Variants in TXNDC17 observed in about 807,000 individuals in gnomAD.
TXNDC17 encodes thioredoxin domain-containing protein 17.
A neutral mutation model predicts 16.3 loss-of-function variants in TXNDC17; 12 were observed. The observed-to-expected ratio is 0.74, with a 90% CI of 0.47 to 1.19. The LOEUF (loss-of-function observed/expected upper bound fraction) is 1.19, where lower values mean the gene tolerates loss of function less well. Ranked by LOEUF, TXNDC17 falls within the 50% of genes most tolerant of loss-of-function variation. TXNDC17 has a pLI of 0.00. For synonymous variants in TXNDC17, 62 were observed against 55.0 expected, an observed-to-expected ratio of 1.13 and a Z score of -0.56; for missense variants, 158 against 149.7, an observed-to-expected ratio of 1.06 and a Z score of -0.29.
Position 6,641,169 on chromosome 17 carries a change from C to G in TXNDC17, c.87C>G (p.Ala29=), listed in dbSNP as rs2090913188. 2 of 1,613,816 alleles carry G rather than the reference C, an allele frequency of 1.2e-6. No individual in the cohort carries two copies. Among genetic ancestry groups the G allele is most frequent in the Non-Finnish European group, 1.7e-6 (2 of 1,180,028 alleles). ...AGCACAATGGCAAGACCATTTTCGC[C>G]TACTTTACGGGTTCTAAGGACGCCG... ...VEQHNGKTIF[A]YFTGSKDAGG... The change falls in exon 1 of 4, where the codon GCC becomes GCG. Residue 29 remains alanine, a synonymous_variant. Transcript: ENST00000250101.
In TXNDC17 at chr17:6,643,148, T is replaced by C; in HGVS notation, c.*129T>C. ...ACTGGCATGTGTCTAAACAATAGAG[T>C]GCTATTAAAATGCCCATGAACCTTT... On this transcript the variant is annotated 3_prime_UTR_variant, in exon 4 of 4. Transcript: ENST00000250101. 2 of 739,930 alleles carry C rather than the reference T, an allele frequency of 2.7e-6. No homozygotes were observed. 45.8% of individuals were successfully genotyped at this position (739,930 alleles called of 1,614,324 possible).
chr17:6,641,119 G>A lies in TXNDC17; in HGVS notation c.37G>A (p.Glu13Lys). The A allele has an allele frequency of 6.2e-7, 1 of 1,613,646 alleles. No homozygotes were observed. The highest frequency in any genetic ancestry group is 8.5e-7 in the Non-Finnish European group (1 of 1,180,008). The change falls in exon 1 of 4, where the codon GAG becomes AAG. Residue 13 changes from glutamate (E) to lysine (K), a missense_variant. Glu to Lys is a moderately conservative substitution (Grantham distance 56). Transcript: ENST00000250101. ...TGAGGAGGTGAGCGTGTCCGGCTTC[G>A]AGGAGTTCCACCGGGCCGTGGAACA... ...RYEEVSVSGF[E>K]EFHRAVEQHN...
chr17:6,642,309 ACTT>A lies in TXNDC17; in HGVS notation c.289_291del (p.Leu97del). 2 of 1,607,478 alleles carry A rather than the reference ACTT, an allele frequency of 1.2e-6. No homozygotes were observed. Among genetic ancestry groups the A allele is most frequent in the Non-Finnish European group, 1.7e-6 (2 of 1,175,438 alleles). ...TGAAAGTAACAGCAGTGCCTACACT[ACTT>A]AAGTATGGAACAGTAAGTATCTTTA... On this transcript the variant is annotated inframe_deletion, in exon 3 of 4. Coordinates refer to ENST00000250101, the MANE Select transcript of TXNDC17 (RefSeq NM_032731.4).
At position 6,644,210 on chromosome 17, in the gene TXNDC17, C is replaced by T. The variant is rs1972734777; in HGVS notation, c.*1191C>T. The T allele has an allele frequency of 4.1e-6, 2 of 483,776 alleles. No homozygotes were observed. The highest frequency in any genetic ancestry group is 7.7e-5 in the Admixed American group (2 of 25,826). The allele number at this position is 483,776 out of a possible 1,614,324, so 30.0% of individuals were successfully genotyped here. On this transcript the variant is annotated 3_prime_UTR_variant, in exon 4 of 4. Transcript: ENST00000250101. ...ATTTGGTCTAAAGCACCTAACTTTT[C>T]CATTCTTAATCAGCTGATTATGCTA... is the stretch of plus-strand genomic sequence containing the variant.
chr17:6,642,960 C>T lies in TXNDC17; in HGVS notation c.313C>T (p.Leu105=), dbSNP rs987708886. 11 of 1,613,380 alleles carry T rather than the reference C, an allele frequency of 6.8e-6. No individual in the cohort carries two copies. The highest frequency in any genetic ancestry group is 3.3e-5 in the Admixed American group (2 of 59,996). ...TLLKYGTPQK[L]VESECLQANL... Reference sequence around the variant, plus strand: ...TGTTTTTCTCTTACAGCCTCAAAAACTGGTAGAATCTGAGTGTCTTCAGGC... The same window carrying T: ...TGTTTTTCTCTTACAGCCTCAAAAATTGGTAGAATCTGAGTGTCTTCAGGC... The change falls in exon 4 of 4, where the codon CTG becomes TTG. Residue 105 remains leucine, a synonymous_variant. Coordinates refer to ENST00000250101, the MANE Select transcript of TXNDC17 (RefSeq NM_032731.4).
chr17:6,644,308 G>T lies in TXNDC17; in HGVS notation c.*1289G>T. On this transcript the variant is annotated 3_prime_UTR_variant, in exon 4 of 4. Transcript: ENST00000250101. ...GAACAATTCAGGTTTAACAGAAATAGTCTATTAACAATAAAAAGTTGGATG... is the reference window on the plus strand; with the variant it reads ...GAACAATTCAGGTTTAACAGAAATATTCTATTAACAATAAAAAGTTGGATG... 1 of 739,302 alleles carries T rather than the reference G, an allele frequency of 1.4e-6. No homozygotes were observed. Among genetic ancestry groups the T allele is most frequent in the Non-Finnish European group, 2.0e-6 (1 of 501,146 alleles). 45.8% of individuals were successfully genotyped at this position (739,302 alleles called of 1,614,324 possible).
At chr17:6,642,186 T>C in intron 2 of TXNDC17, 63 bp from the exon 3 acceptor site, 2 of 1,198,542 alleles carry the variant, frequency 1.7e-6, no homozygotes, top group South Asian at 1.3e-5. Context: ...CTATGTCAAA[T>C]ATTAAGCAAA....
In TXNDC17 at chr17:6,642,782, C is replaced by T. The variant is rs886278362; in HGVS notation, c.304-169C>T. 5.5e-5 allele frequency: 33 copies of T among 603,404 alleles called. 1 individual carries two copies. In the Middle Eastern group the frequency reaches 1.3e-3, roughly 24 times the overall value. The allele number at this position is 603,404 out of a possible 1,614,324, so 37.4% of individuals were successfully genotyped here. ...TGAGCCAAGTATGTTAGTGATTCATCTTACAGCAAATATATTGATTCTTTC... is the reference window on the plus strand; with the variant it reads ...TGAGCCAAGTATGTTAGTGATTCATTTTACAGCAAATATATTGATTCTTTC... On this transcript the variant is annotated intron_variant, in intron 3 of 3. Coordinates refer to ENST00000250101, the MANE Select transcript of TXNDC17 (RefSeq NM_032731.4).
chr17:6,643,493 A>C lies in TXNDC17; in HGVS notation c.*474A>C, dbSNP rs190904458. 1 of 153,694 alleles carries C rather than the reference A, an allele frequency of 6.5e-6. No individual in the cohort carries two copies. Among genetic ancestry groups the C allele is most frequent in the East Asian group, 1.9e-4 (1 of 5,228 alleles). The allele number at this position is 153,694 out of a possible 1,614,324, so 9.5% of individuals were successfully genotyped here. On this transcript the variant is annotated 3_prime_UTR_variant, in exon 4 of 4. Coordinates refer to ENST00000250101, the MANE Select transcript of TXNDC17 (RefSeq NM_032731.4). ...GCAGTTTTGTTTTGTTTAATAAAAA[A>C]CAGACTCCTGAGCACTAGAAGCAGT...
chr17:6,642,716 T>TCC, intron 3 of TXNDC17: 1 of 536,132 alleles, frequency 1.9e-6, no homozygotes. Context: ...GTCTCCTGTT[T>TCC]TAGTCTGTGG....
At position 6,642,971 on chromosome 17, in the gene TXNDC17, T is replaced by A; in HGVS notation, c.324T>A (p.Ser108=). ...TACAGCCTCAAAAACTGGTAGAATC[T>A]GAGTGTCTTCAGGCCAACCTGGTGG... The part of the protein sequence containing the change: ...KYGTPQKLVE[S]ECLQANLVEM... The change falls in exon 4 of 4, where the codon TCT becomes TCA. Residue 108 remains serine, a synonymous_variant. Transcript: ENST00000250101. 1.2e-6 allele frequency: 2 copies of A among 1,613,876 alleles called. No homozygotes were observed. Among genetic ancestry groups the A allele is most frequent in the Non-Finnish European group, 1.7e-6 (2 of 1,179,874 alleles).
In TXNDC17 at chr17:6,644,221, C is replaced by T; in HGVS notation, c.*1202C>T. 1 of 494,340 alleles carries T rather than the reference C, an allele frequency of 2.0e-6. No homozygotes were observed. The highest frequency in any genetic ancestry group is 2.0e-5 in the African/African-American group (1 of 50,328). The allele number at this position is 494,340 out of a possible 1,614,324, so 30.6% of individuals were successfully genotyped here. On this transcript the variant is annotated 3_prime_UTR_variant, in exon 4 of 4. Coordinates refer to ENST00000250101, the MANE Select transcript of TXNDC17 (RefSeq NM_032731.4). ...AGCACCTAACTTTTCCATTCTTAATCAGCTGATTATGCTAAATGCGTAAAA... is the reference window on the plus strand; with the variant it reads ...AGCACCTAACTTTTCCATTCTTAATTAGCTGATTATGCTAAATGCGTAAAA...
rs771413493 is a variant in TXNDC17 at position 6,641,242 on chromosome 17, C to T, written c.145+15C>T. On this transcript the variant is annotated intron_variant, in intron 1 of 3. Transcript: ENST00000250101. ...CTGCGTGCAGGGTGAGGCCGGGATT[C>T]GGGGGCTGCTGTCCAATGGAAATGG... 1.2e-6 allele frequency: 2 copies of T among 1,612,722 alleles called. No homozygotes were observed. Among genetic ancestry groups the T allele is most frequent in the Non-Finnish European group, 1.7e-6 (2 of 1,179,674 alleles).
Position 6,642,270 on chromosome 17 carries a change from C to G in TXNDC17, c.249C>G (p.Asp83Glu). ...EKPYWKDPNN[D>E]FRKNLKVTAV... is the part of the protein sequence containing the mutation. ...ATAGTTGGAAAGATCCAAATAATGA[C>G]TTCAGAAAAAACTTGAAAGTAACAG... Residue 83 changes from aspartate (D) to glutamate (E), a missense_variant, in exon 3 of 4, where the codon GAC (aspartate) becomes GAG (glutamate). Transcript: ENST00000250101. 1.9e-6 allele frequency: 3 copies of G among 1,610,914 alleles called. No individual in the cohort carries two copies. Among genetic ancestry groups the G allele is most frequent in the Non-Finnish European group, 2.5e-6 (3 of 1,178,632 alleles).
intron 1 of TXNDC17, chr17:6,641,492 T>G: frequency 1.6e-6 from 1 of 633,636 alleles, no homozygotes; most frequent in South Asian, 2.0e-5. Context: ...ACAGGATACG[T>G]GAGTTGGTCA....
rs977913618 is a variant in TXNDC17 at position 6,644,372 on chromosome 17, A to G, written c.*1353A>G. ...AAGGTTCTAGGGGCTACCATAATAA[A>G]GGTAGATAGGAAGAGTTTTCATTTT... On this transcript the variant is annotated 3_prime_UTR_variant, in exon 4 of 4. Coordinates refer to ENST00000250101, the MANE Select transcript of TXNDC17 (RefSeq NM_032731.4). The G allele has an allele frequency of 7.3e-7, 1 of 1,373,262 alleles. No homozygotes were observed. Among genetic ancestry groups the G allele is most frequent in the African/African-American group, 1.5e-5 (1 of 68,630 alleles). The allele number at this position is 1,373,262 out of a possible 1,614,324, so 85.1% of individuals were successfully genotyped here.
At position 6,641,481 on chromosome 17, in the gene TXNDC17, T is replaced by C; in HGVS notation, c.145+254T>C. 4.7e-6 allele frequency: 3 copies of C among 637,406 alleles called. No individual in the cohort carries two copies. The South Asian group carries it at 5.9e-5, about 13-fold the overall frequency. 39.5% of individuals were successfully genotyped at this position (637,406 alleles called of 1,614,324 possible). On this transcript the variant is annotated intron_variant, in intron 1 of 3. Transcript: ENST00000250101. ...CACTCCCCCAGTACCATTAGTGTCT[T>C]ACAGGATACGTGAGTTGGTCAGCAA...
At chr17:6,642,170 G>T in intron 2 of TXNDC17, 79 bp from the exon 3 acceptor site, 1 of 1,006,708 alleles carries the variant, frequency 9.9e-7, no homozygotes, top group Non-Finnish European at 1.5e-6. Context: ...AAAATTAAAT[G>T]TAGGACTATG....
In TXNDC17 at chr17:6,643,217, C is replaced by T; in HGVS notation, c.*198C>T. ...GGATATTTTTAAGATATAAAGAAGT[C>T]TTCAGAAATAGCAGTAAAGGCTCAA... is the stretch of plus-strand genomic sequence containing the variant. On this transcript the variant is annotated 3_prime_UTR_variant, in exon 4 of 4. Coordinates refer to ENST00000250101, the MANE Select transcript of TXNDC17 (RefSeq NM_032731.4). The T allele has an allele frequency of 4.0e-6, 2 of 501,558 alleles. No homozygotes were observed. The highest frequency in any genetic ancestry group is 5.9e-5 in the South Asian group (2 of 33,844). 31.1% of individuals were successfully genotyped at this position (501,558 alleles called of 1,614,324 possible).
Sources: gnomAD v4.1 joint callset for allele counts on GRCh38, gnomAD v4.1.1 for gene constraint, MANE v1.5 for transcripts, NCBI Gene and HGNC (gene_info 2026-07-23, HGNC 2026-07-21) for gene names.